Variants in PIGG observed in about 807,000 individuals in gnomAD.
The protein encoded by PIGG is phosphatidylinositol glycan anchor biosynthesis class G (EMM blood group).
In PIGG, 70 loss-of-function variants were observed where a neutral mutation model predicts 83.2. The ratio of observed to expected loss-of-function variants is 0.84; its 90% CI spans 0.69 to 1.03. The LOEUF (loss-of-function observed/expected upper bound fraction) is 1.03. Among genes scored for constraint, PIGG ranks in the 50% least tolerant of loss-of-function variants. The probability of loss-of-function intolerance (pLI) is 0.00; values close to 1 mark genes in which losing one functional copy is unlikely to be tolerated. For synonymous variants in PIGG, 532 were observed against 519.5 expected, an observed-to-expected ratio of 1.02 and a Z score of -0.33; for missense variants, 1,257 against 1,233.6, an observed-to-expected ratio of 1.02 and a Z score of -0.28.
chr4:522,914 A>G (rs1176943997), intron 8 of PIGG: 1 of 153,972 alleles, frequency 6.5e-6, no homozygotes, highest in African/African-American at 2.4e-5. Context: ...TGTCATTTCA[A>G]CAGAATTAAC....
rs781995259 is a variant in PIGG, at chr4:505,793, A to G, written c.436A>G (p.Ser146Gly). ...NLNSPALLEDSVIRQAKAAGK... is the reference protein window; with the variant it reads ...NLNSPALLEDGVIRQAKAAGK... The stretch of plus-strand genomic sequence containing the variant: ...CAATTCTCCTGCACTGCTGGAAGAC[A>G]GTGTGATAAGACAAGCAAAAGCAGC... The change falls in exon 3 of 13, where the codon AGT becomes GGT. Residue 146 changes from serine to glycine, a missense_variant. Ser to Gly is a moderately conservative substitution (Grantham distance 56, BLOSUM62 0). Transcript: ENST00000453061. 6.2e-7 allele frequency: 1 copy of G among 1,613,684 alleles called. No individual in the cohort carries two copies. The highest frequency in any genetic ancestry group is 8.5e-7 in the Non-Finnish European group (1 of 1,179,876).
intron 12 of PIGG, 107 bp downstream of exon 12, chr4:534,088 A>C: frequency 1.1e-6 from 1 of 916,656 alleles, no homozygotes; most frequent in Non-Finnish European, 1.7e-6. Flanking sequence ...TGGGTCCAAC[A>C]GTCTTTTCAA....
intron 4 of PIGG, 48 bp downstream of exon 4, chr4:507,641 T>C (rs1481864548): frequency 6.7e-7 from 1 of 1,491,626 alleles, no homozygotes; most frequent in Non-Finnish European, 9.2e-7. Flanking sequence ...TTCACGTGGA[T>C]GTTCCCTAGA....
chr4:509,410 G>T (rs1368378953), intron 5 of PIGG, among the ~76,000 whole-genome samples: 1 of 152,140 alleles, frequency 6.6e-6, no homozygotes, highest in Non-Finnish European at 1.5e-5. Context: ...ATTCAGACAC[G>T]CCCCAAACAC....
rs753841067 is a variant in PIGG, at chr4:521,922, G to A, written c.1595G>A (p.Gly532Asp). ...TCTGTTCTGACCAACGTGCTCGTGG[G>A]TGGAAACACCCCAAGGAAGGTACGT... ...IVSVLTNVLV[G>D]GNTPRKNPMH... Residue 532 changes from glycine to aspartate, a missense_variant, in exon 8 of 13, where the codon GGT (glycine) becomes GAT (aspartate). Transcript: ENST00000453061. 1.7e-5 allele frequency: 28 copies of A among 1,614,096 alleles called. No homozygotes were observed. Among genetic ancestry groups the A allele is most frequent in the South Asian group, 2.2e-5 (2 of 91,084 alleles).
intron 12 of PIGG, among the ~76,000 whole-genome samples, chr4:534,497 A>G (rs749743581): frequency 7.9e-5 from 12 of 152,164 alleles, no homozygotes; most frequent in Non-Finnish European, 1.8e-4. Flanking sequence ...CCTTCCACAC[A>G]TAAGCTGATT....
At chr4:518,875 G>A (rs1320359848) in intron 6 of PIGG, among the ~76,000 whole-genome samples, 2 of 152,094 alleles carry the variant, frequency 1.3e-5, no homozygotes, top group African/African-American at 4.8e-5. Flanking sequence ...CCACAGCCAG[G>A]CCCGTGCAGT....
In PIGG at chr4:508,892, G is replaced by A; in HGVS notation, c.823G>A (p.Gly275Arg). The A allele has an allele frequency of 6.2e-7, 1 of 1,613,688 alleles. No homozygotes were observed. Among genetic ancestry groups the A allele is most frequent in the African/African-American group, 1.3e-5 (1 of 75,030 alleles). The change falls in exon 5 of 13, where the codon GGA becomes AGA. Residue 275 changes from glycine to arginine, a missense_variant. By Grantham distance (125) the Gly-to-Arg change is moderately radical. Coordinates refer to ENST00000453061, the MANE Select transcript of PIGG (RefSeq NM_001127178.3). Reference sequence around the variant, plus strand: ...TGGTGACCATGGCATGTCTGAAACAGGAAGTCACGGGGCCTCCTCCACCGA... The same window carrying A: ...TGGTGACCATGGCATGTCTGAAACAAGAAGTCACGGGGCCTCCTCCACCGA... ...LCGDHGMSET[G>R]SHGASSTEEV...
chr4:523,879 G>C lies in PIGG; in HGVS notation c.2035G>C (p.Ala679Pro), dbSNP rs1361309749. 6.4e-7 allele frequency: 1 copy of C among 1,555,676 alleles called. No individual in the cohort carries two copies. The highest frequency in any genetic ancestry group is 8.7e-7 in the Non-Finnish European group (1 of 1,147,224). The change falls in exon 9 of 13, where the codon GCT becomes CCT. Residue 679 changes from alanine (A) to proline (P), a missense_variant. Transcript: ENST00000453061. ...CCTAAACCAGACAGGTGTGCAGTGG[G>C]CTCACCGGCCTGACCTCGGCCACTG... The part of the protein sequence containing the change: ...RSLNQTGVQW[A>P]HRPDLGHWLT...
intron 9 of PIGG, chr4:525,455 A>G (rs940134260): frequency 5.7e-6 from 4 of 695,988 alleles, no homozygotes; most frequent in Non-Finnish European, 7.1e-6. Context: ...AAGAAATGGC[A>G]GCAGAAGGAA....
intron 5 of PIGG, among the ~76,000 whole-genome samples, chr4:510,875 G>A (rs10016761): frequency 0.22 from 33,082 of 150,616 alleles, 5,406 homozygotes; most frequent in African/African-American, 0.46. Context: ...GGTAATCAGC[G>A]TCATTGTCTG....
chr4:512,641 C>T (rs1254678437), intron 5 of PIGG, among the ~76,000 whole-genome samples: 3 of 151,628 alleles, frequency 2.0e-5, no homozygotes, highest in East Asian at 2.0e-4. Flanking sequence ...ACGGTGAAAC[C>T]CCGTCTCTAC....
At chr4:509,899 T>G (rs1225488727) in intron 5 of PIGG, among the ~76,000 whole-genome samples, 1 of 152,208 alleles carries the variant, frequency 6.6e-6, no homozygotes, top group African/African-American at 2.4e-5. Context: ...CATTGCAGAC[T>G]TATTGATGGA....
chr4:526,844 C>T, intron 9 of PIGG, 195 bp from the exon 10 acceptor site: 2 of 660,724 alleles, frequency 3.0e-6, no homozygotes, highest in East Asian at 5.6e-5. Context: ...CACCACACCC[C>T]ACTGAGGTTG....
chr4:499,713 T>A, intron 1 of PIGG: 4 of 1,393,520 alleles, frequency 2.9e-6, no homozygotes, highest in Non-Finnish European at 3.7e-6. Flanking sequence ...CCTTCCTTCC[T>A]GATCACCACA....
Position 499,455 on chromosome 4 carries a change from C to T in PIGG, c.120C>T (p.His40=). 1 of 1,602,890 alleles carries T rather than the reference C, an allele frequency of 6.2e-7. No individual in the cohort carries two copies. The highest frequency in any genetic ancestry group is 1.1e-5 in the South Asian group (1 of 90,700). Residue 40 remains histidine (H), a synonymous_variant, in exon 1 of 13, where the codon CAC becomes CAT. Transcript: ENST00000453061. ...APVRSSARAE[H]GAEPPAPEPS... The stretch of plus-strand genomic sequence containing the variant: ...TTCGTTCCTCTGCCAGAGCGGAACA[C>T]GGAGCGGAGCCCCCAGCGCCCGAAC...
intron 5 of PIGG, 59 bp downstream of exon 5, chr4:509,029 G>A (rs1488922601): frequency 2.5e-5 from 37 of 1,461,884 alleles, no homozygotes; most frequent in Middle Eastern, 1.8e-4. Context: ...TCTATAGTCT[G>A]GTTTTAATTT....
intron 2 of PIGG, 72 bp from the exon 3 acceptor site, chr4:505,646 A>AAG (rs1466076194): frequency 8.7e-7 from 1 of 1,148,834 alleles, no homozygotes; most frequent in Admixed American, 2.1e-5. Flanking sequence ...AAAAAAAAAA[A>AAG]AAATCTTCAG....
At chr4:512,989 G>A (rs1018158456) in intron 5 of PIGG, among the ~76,000 whole-genome samples, 12 of 152,176 alleles carry the variant, frequency 7.9e-5, no homozygotes, top group African/African-American at 2.9e-4. Context: ...GGGAAAGGGA[G>A]CTCTGTGTTC....
Sources: allele counts gnomAD v4.1 joint callset (sites outside exome capture counted in the v4.1 genomes callset), GRCh38; gene constraint gnomAD v4.1.1; transcripts MANE v1.5; gene names NCBI Gene and HGNC (gene_info 2026-07-23, HGNC 2026-07-21).